FKBP5: variants seen among roughly 807,000 people sequenced by gnomAD.
FKBP5 encodes peptidyl-prolyl cis-trans isomerase FKBP5.
A neutral mutation model predicts 50.5 loss-of-function variants in FKBP5; 23 were observed. The ratio of observed to expected loss-of-function variants is 0.46; its 90% CI spans 0.33 to 0.65. The LOEUF is 0.65. Ranked by LOEUF, FKBP5 falls within the 30% of genes least tolerant of loss-of-function variation. The pLI is 0.02. For synonymous variants in FKBP5, 176 were observed against 190.6 expected (o/e 0.92, Z 0.63); for missense variants, 411 against 553.1 (o/e 0.74, Z 2.58).
intron 3 of FKBP5, 112 bp from the exon 4 acceptor site, chr6:35,620,386 A>C: frequency 9.4e-7 from 1 of 1,066,158 alleles, no homozygotes; most frequent in Non-Finnish European, 1.4e-6. Flanking sequence ...CTCAGCTAGA[A>C]AGTATGGGCT....
Position 35,573,608 on chromosome 6 carries a change from TATTTAAAGAACACAC to T in FKBP5, c.*2212_*2226del, listed in dbSNP as rs1762122876. 6.6e-6 allele frequency: 1 copy of T among 152,148 alleles called. No individual in the cohort carries two copies. Among genetic ancestry groups the T allele is most frequent in the Non-Finnish European group, 1.5e-5 (1 of 68,026 alleles). 9.4% of individuals were successfully genotyped at this position (152,148 alleles called of 1,614,324 possible). ...TGGGAAGTCACATTTTTTTTGGATT[TATTTAAAGAACACAC>T]AAAAAAGTGCATCTAAATGATTTTT... On this transcript the variant is annotated 3_prime_UTR_variant, in exon 11 of 11. Coordinates refer to ENST00000357266, the MANE Select transcript of FKBP5 (RefSeq NM_004117.4).
At chr6:35,619,729 T>C (rs138041326) in intron 4 of FKBP5, among the ~76,000 whole-genome samples, 1 of 152,350 alleles carries the variant, frequency 6.6e-6, no homozygotes, top group African/African-American at 2.4e-5. Context: ...CAACGGCTTC[T>C]AGAGAAGTGA....
chr6:35,680,813 A>G (rs1047679256), intron 1 of FKBP5, among the ~76,000 whole-genome samples: 5 of 152,236 alleles, frequency 3.3e-5, no homozygotes, highest in African/African-American at 1.2e-4. Flanking sequence ...CAGCTAGCAC[A>G]TTGTAGGTAT....
intron 1 of FKBP5, among the ~76,000 whole-genome samples, chr6:35,656,731 T>C (rs1764959020): frequency 6.6e-6 from 1 of 151,958 alleles, no homozygotes; most frequent in Non-Finnish European, 1.5e-5. Context: ...AACCCATCTC[T>C]ACTAAAAATA....
upstream of FKBP5, among the ~76,000 whole-genome samples, chr6:35,691,304 G>A (rs1165800971): frequency 6.6e-6 from 1 of 152,136 alleles, no homozygotes; most frequent in Non-Finnish European, 1.5e-5. Context: ...TGAAGTAGGT[G>A]TTTGCCAGAC....
At position 35,601,737 on chromosome 6, in the gene FKBP5, T is replaced by C. The variant is rs9394306; in HGVS notation, c.509-4333A>G. Reference sequence around the variant, plus strand: ...CAGCCTGTAGGGCTCAGGAGGTCTGTTGCTAATCCCAACCAGCATGATTTA... The same window carrying C: ...CAGCCTGTAGGGCTCAGGAGGTCTGCTGCTAATCCCAACCAGCATGATTTA... On this transcript the variant is annotated intron_variant, in intron 5 of 10. Coordinates refer to ENST00000357266, the MANE Select transcript of FKBP5 (RefSeq NM_004117.4). 5.3e-5 allele frequency among the ~76,000 whole-genome samples: 8 copies of C among 152,278 alleles called. No individual in the cohort carries two copies. The East Asian group carries it at 1.2e-3, about 22-fold the overall frequency.
At chr6:35,613,065 C>G (rs959349300) in intron 5 of FKBP5, among the ~76,000 whole-genome samples, 2 of 152,134 alleles carry the variant, frequency 1.3e-5, no homozygotes, top group Non-Finnish European at 2.9e-5. Context: ...TCTATCTGTC[C>G]CCTCCTCCAT....
At chr6:35,692,806 A>AG (rs1766013759), upstream of FKBP5, among the ~76,000 whole-genome samples, 2 of 151,084 alleles carry the variant, frequency 1.3e-5, no homozygotes, top group African/African-American at 4.9e-5. Context: ...AAAAAAAAAA[A>AG]AAGAAGAGAA....
intron 8 of FKBP5, chr6:35,582,322 A>G: frequency 1.0e-6 from 1 of 979,246 alleles, no homozygotes; most frequent in African/African-American, 1.7e-5. Flanking sequence ...TGTGTCCCCC[A>G]TCCTAAATTC....
rs562440448 is a variant in FKBP5 at position 35,633,352 on chromosome 6, G to T, written c.250+3662C>A. Reference sequence around the variant, plus strand: ...GAGCTCAAAAGTTCGAGACCACCCTGGGCAACATGGTGAAACCCTGTCTCT... The same window carrying T: ...GAGCTCAAAAGTTCGAGACCACCCTTGGCAACATGGTGAAACCCTGTCTCT... On this transcript the variant is annotated intron_variant, in intron 3 of 10. Coordinates refer to ENST00000357266, the MANE Select transcript of FKBP5 (RefSeq NM_004117.4). Among the ~76,000 whole-genome samples the T allele has an allele frequency of 5.3e-5, 8 of 152,074 alleles. No homozygotes were observed. The South Asian group carries it at 8.3e-4, about 16-fold the overall frequency.
chr6:35,693,414 C>T (rs1345930913), upstream of FKBP5, among the ~76,000 whole-genome samples: 5 of 152,040 alleles, frequency 3.3e-5, no homozygotes, highest in East Asian at 1.9e-4. Flanking sequence ...CCGCCCGCCT[C>T]GGCCTCCCAA....
intron 2 of FKBP5, among the ~76,000 whole-genome samples, chr6:35,707,100 A>C (rs1429284857): frequency 5.9e-5 from 9 of 152,116 alleles, no homozygotes; most frequent in African/African-American, 2.2e-4. Context: ...GGGACTGGGA[A>C]TCTAGGGAGG....
At chr6:35,604,232 C>T (rs1763238316) in intron 5 of FKBP5, among the ~76,000 whole-genome samples, 1 of 152,134 alleles carries the variant, frequency 6.6e-6, no homozygotes. Flanking sequence ...TGGTCTTGTA[C>T]TCCTGGCCTC....
rs1158530509 is a variant in FKBP5 at position 35,605,383 on chromosome 6, CTTTTTTTTTT to C, written c.509-7989_509-7980del. Among the ~76,000 whole-genome samples, 93 of 52,312 alleles carry C rather than the reference CTTTTTTTTTT, an allele frequency of 1.8e-3. 1 individual carries two copies. Among genetic ancestry groups the C allele is most frequent in the African/African-American group, 5.0e-3 (71 of 14,212 alleles). The allele number at this position is 52,312 out of a possible 152,430, so 34.3% of individuals were successfully genotyped here. The stretch of plus-strand genomic sequence containing the variant: ...TAATAAGAGCCACCTATGACAATAT[CTTTTTTTTTT>C]TTTTTTTTTTTTTTTTTTTTGAGAC... On this transcript the variant is annotated intron_variant, in intron 5 of 10. Transcript: ENST00000357266.
chr6:35,585,381 T>G, intron 8 of FKBP5: 2 of 981,960 alleles, frequency 2.0e-6, no homozygotes, highest in Non-Finnish European at 2.4e-6. Flanking sequence ...CAATTAGAAT[T>G]AAAAACAAAA....
intron 1 of FKBP5, among the ~76,000 whole-genome samples, chr6:35,666,718 G>A (rs886176846): frequency 8.6e-5 from 13 of 151,810 alleles, no homozygotes; most frequent in Non-Finnish European, 1.3e-4. Context: ...GTGAAACCCC[G>A]TCTCTACTAA....
chr6:35,580,252 C>A, intron 8 of FKBP5, 31 bp from the exon 9 acceptor site: 1 of 1,578,610 alleles, frequency 6.3e-7, no homozygotes, highest in Non-Finnish European at 8.7e-7. Flanking sequence ...TACTTGTACT[C>A]AGCTCTTGAG....
chr6:35,632,840 G>C (rs1050736533), intron 3 of FKBP5, among the ~76,000 whole-genome samples: 2 of 150,854 alleles, frequency 1.3e-5, no homozygotes, highest in African/African-American at 4.9e-5. Context: ...AGTGAGCTGA[G>C]ATCATGCCAT....
intron 8 of FKBP5, 46 bp downstream of exon 8, chr6:35,586,988 G>C: frequency 6.2e-7 from 1 of 1,613,242 alleles, no homozygotes; most frequent in Non-Finnish European, 8.5e-7. Context: ...ACCAACACTT[G>C]AATAAATTCT....
Sources: allele counts gnomAD v4.1 joint callset (sites outside exome capture counted in the v4.1 genomes callset), GRCh38; gene constraint gnomAD v4.1.1; transcripts MANE v1.5; gene names NCBI Gene and HGNC (gene_info 2026-07-23, HGNC 2026-07-21).